Variants in SLC45A1 observed in about 807,000 individuals in gnomAD.
The protein encoded by SLC45A1 is proton-associated sugar transporter A.
Under a neutral mutation model 57.6 loss-of-function variants are expected in SLC45A1, and 28 were observed. The ratio of observed to expected loss-of-function variants is 0.49; its 90% confidence interval spans 0.36 to 0.67. SLC45A1 has a LOEUF of 0.67. Among genes scored for constraint, SLC45A1 ranks in the 30% least tolerant of loss-of-function variants. SLC45A1 has a pLI of 0.00. For synonymous variants in SLC45A1, 459 were observed against 471.5 expected, an observed-to-expected ratio of 0.97 and a Z score of 0.34; for missense variants, 814 against 1,041.5, an observed-to-expected ratio of 0.78 and a Z score of 3.01.
At chr1:8,320,047 T>C (rs1639952864) in intron 1 of SLC45A1, among the ~76,000 whole-genome samples, 1 of 152,214 alleles carries the variant, frequency 6.6e-6, no homozygotes, top group South Asian at 2.1e-4. Flanking sequence ...ATTCTTCTTA[T>C]GATAAACATT....
rs201202242 is a variant in SLC45A1 at position 8,344,021 on chromosome 1, G to C, written c.*8G>C. 6.2e-7 allele frequency: 1 copy of C among 1,600,844 alleles called. No homozygotes were observed. The highest frequency in any genetic ancestry group is 1.3e-5 in the African/African-American group (1 of 74,762). On this transcript the variant is annotated 3_prime_UTR_variant, in exon 9 of 9. Coordinates refer to ENST00000471889, the MANE Select transcript of SLC45A1 (RefSeq NM_001080397.3). The stretch of plus-strand genomic sequence containing the variant: ...CTCCTGCTGAACGTCTGACATCGCG[G>C]AGCCTCGACTCCGGACACGCGCCTG...
rs981423106 is a variant in SLC45A1, at chr1:8,327,653, T to C, written c.715+1611T>C. On this transcript the variant is annotated intron_variant, in intron 4 of 8. Transcript: ENST00000471889. The surrounding 1 kb of genome is among the most constrained non-coding windows in gnomAD (Gnocchi z 4.3). Reference sequence around the variant, plus strand: ...AGACCCCATCTCTAAAAACATAAGATTAAATAAATAAATAACTCTAGCTTG... The same window carrying C: ...AGACCCCATCTCTAAAAACATAAGACTAAATAAATAAATAACTCTAGCTTG... Among the ~76,000 whole-genome samples the C allele has an allele frequency of 2.0e-5, 3 of 152,018 alleles. No individual in the cohort carries two copies. Among genetic ancestry groups the C allele is most frequent in the Non-Finnish European group, 2.9e-5 (2 of 68,004 alleles).
In SLC45A1 at chr1:8,324,632, C is replaced by T. The variant is rs769137840; in HGVS notation, c.303C>T (p.Tyr101=). 1.1e-5 allele frequency: 18 copies of T among 1,609,948 alleles called. No individual in the cohort carries two copies. The highest frequency in any genetic ancestry group is 5.0e-5 in the Admixed American group (3 of 59,706). ...TTCTCTTTGGCATCGAGTTCAGCTACGCCATGGAGACGGCGTACGTGACCC... is the reference window on the plus strand; with the variant it reads ...TTCTCTTTGGCATCGAGTTCAGCTATGCCATGGAGACGGCGTACGTGACCC... ...GCILFGIEFS[Y]AMETAYVTPV... is the part of the protein sequence containing the mutation. The change falls in exon 2 of 9, where the codon TAC becomes TAT. Residue 101 remains tyrosine, a synonymous_variant. Transcript: ENST00000471889.
chr1:8,324,634 C>T lies in SLC45A1; in HGVS notation c.305C>T (p.Ala102Val). ...CILFGIEFSY[A>V]METAYVTPVL... ...CTCTTTGGCATCGAGTTCAGCTACG[C>T]CATGGAGACGGCGTACGTGACCCCG... is the stretch of plus-strand genomic sequence containing the variant. The change falls in exon 2 of 9, where the codon GCC becomes GTC. Residue 102 changes from alanine to valine, a missense_variant. By Grantham distance (64) the Ala-to-Val change is moderately conservative. Coordinates refer to ENST00000471889, the MANE Select transcript of SLC45A1 (RefSeq NM_001080397.3). 1 of 1,609,756 alleles carries T rather than the reference C, an allele frequency of 6.2e-7. No individual in the cohort carries two copies. Among genetic ancestry groups the T allele is most frequent in the Non-Finnish European group, 8.5e-7 (1 of 1,178,374 alleles).
intron 8 of SLC45A1, among the ~76,000 whole-genome samples, chr1:8,339,983 C>T (rs1640758928): frequency 1.3e-5 from 2 of 152,190 alleles, no homozygotes; most frequent in African/African-American, 4.8e-5. Flanking sequence ...CTTCCTACTC[C>T]ATTGTCAGGC....
At chr1:8,341,272 C>T (rs541601447) in intron 8 of SLC45A1, among the ~76,000 whole-genome samples, 3 of 151,198 alleles carry the variant, frequency 2.0e-5, no homozygotes, top group South Asian at 4.2e-4. Context: ...CGGTGGCTCA[C>T]GCCTGTAATC....
intron 7 of SLC45A1, among the ~76,000 whole-genome samples, chr1:8,339,252 G>A (rs927210343): frequency 6.6e-6 from 1 of 152,186 alleles, no homozygotes; most frequent in Non-Finnish European, 1.5e-5. Flanking sequence ...GTGTGAACAG[G>A]ACACCCTGGT....
At chr1:8,333,327 GGCTTTTACCAT>G (rs965077292) in intron 5 of SLC45A1, among the ~76,000 whole-genome samples, 3 of 151,444 alleles carry the variant, frequency 2.0e-5, no homozygotes, top group Non-Finnish European at 4.4e-5. Context: ...TGTAGAGACA[GGCTTTTACCAT>G]GCTGCCCAGG....
rs1431212266 is a variant in SLC45A1, at chr1:8,335,918, C to A, written c.1597+328C>A. Among the ~76,000 whole-genome samples, 1 of 152,194 alleles carries A rather than the reference C, an allele frequency of 6.6e-6. No individual in the cohort carries two copies. The highest frequency in any genetic ancestry group is 1.5e-5 in the Non-Finnish European group (1 of 68,036). ...GACAACTCCACAGTGAAATGATGGA[C>A]CCACACCTTCCCACCTTCCCACCTT... On this transcript the variant is annotated intron_variant, in intron 6 of 8. Coordinates refer to ENST00000471889, the MANE Select transcript of SLC45A1 (RefSeq NM_001080397.3). The surrounding 1 kb of genome is among the most constrained non-coding windows in gnomAD (Gnocchi z 4.1).
chr1:8,330,098 C>A lies in SLC45A1; in HGVS notation c.716-111C>A. The A allele has an allele frequency of 7.5e-7, 1 of 1,338,864 alleles. No homozygotes were observed. Among genetic ancestry groups the A allele is most frequent in the Non-Finnish European group, 1.0e-6 (1 of 968,982 alleles). The allele number at this position is 1,338,864 out of a possible 1,614,324, so 82.9% of individuals were successfully genotyped here. On this transcript the variant is annotated intron_variant, in intron 4 of 8. Transcript: ENST00000471889. This position sits in a 1 kb window ranked among gnomAD's most constrained non-coding sequence, Gnocchi z 8.4. ...GTTTAGGTGGAACAGGTTCTGTGCC[C>A]ACGTCCCTGGAATGGCCTTGGCTAC...
At position 8,339,711 on chromosome 1, in the gene SLC45A1, C is replaced by A. The variant is rs375027518; in HGVS notation, c.1980+13C>A. 48 of 1,611,434 alleles carry A rather than the reference C, an allele frequency of 3.0e-5. No individual in the cohort carries two copies. Among genetic ancestry groups the A allele is most frequent in the Middle Eastern group, 1.6e-4 (1 of 6,078 alleles). Reference sequence around the variant, plus strand: ...TCAGAGTAAGAAGGTAAGTGCTCTCCCTTGTCTTGCTTCGGGTCTGCTTCT... The same window carrying A: ...TCAGAGTAAGAAGGTAAGTGCTCTCACTTGTCTTGCTTCGGGTCTGCTTCT... On this transcript the variant is annotated intron_variant, in intron 8 of 8. Coordinates refer to ENST00000471889, the MANE Select transcript of SLC45A1 (RefSeq NM_001080397.3).
chr1:8,342,321 C>T (rs1019178816), intron 8 of SLC45A1, among the ~76,000 whole-genome samples: 3 of 152,210 alleles, frequency 2.0e-5, no homozygotes, highest in Non-Finnish European at 4.4e-5. Flanking sequence ...GTGTGATGTG[C>T]ACCGTTCGGC....
At position 8,343,936 on chromosome 1, in the gene SLC45A1, T is replaced by G; in HGVS notation, c.2170T>G (p.Ser724Ala). ...GTCCTTCCTGGGCTGCCTGTACTCCTCCCTGTTTGTCATTTATGAAATTCC... is the reference window on the plus strand; with the variant it reads ...GTCCTTCCTGGGCTGCCTGTACTCCGCCCTGTTTGTCATTTATGAAATTCC... Reference protein sequence around the residue: ...LVSFLGCLYSSLFVIYEIPPS... With the variant: ...LVSFLGCLYSALFVIYEIPPS... The change falls in exon 9 of 9, where the codon TCC (serine) becomes GCC (alanine). Residue 724 changes from serine to alanine, a missense_variant. Coordinates refer to ENST00000471889, the MANE Select transcript of SLC45A1 (RefSeq NM_001080397.3). This position sits in a 1 kb window ranked among gnomAD's most constrained non-coding sequence, Gnocchi z 7.7. 6.2e-7 allele frequency: 1 copy of G among 1,614,054 alleles called. No homozygotes were observed. Among genetic ancestry groups the G allele is most frequent in the Non-Finnish European group, 8.5e-7 (1 of 1,179,986 alleles).
Position 8,326,641 on chromosome 1 carries a change from A to G in SLC45A1, c.715+599A>G, listed in dbSNP as rs1435387729. On this transcript the variant is annotated intron_variant, in intron 4 of 8. Coordinates refer to ENST00000471889, the MANE Select transcript of SLC45A1 (RefSeq NM_001080397.3). The surrounding 1 kb of genome is among the most constrained non-coding windows in gnomAD (Gnocchi z 5.5). ...TTAAACAGTGAAACACCAACAAAAA[A>G]CACAAAAATGTAAAAAAGGTGGCAC... Among the ~76,000 whole-genome samples, 1 of 152,188 alleles carries G rather than the reference A, an allele frequency of 6.6e-6. No individual in the cohort carries two copies. Among genetic ancestry groups the G allele is most frequent in the Non-Finnish European group, 1.5e-5 (1 of 68,040 alleles).
Position 8,328,124 on chromosome 1 carries a change from G to C in SLC45A1, c.715+2082G>C, listed in dbSNP as rs1640257727. On this transcript the variant is annotated intron_variant, in intron 4 of 8. Transcript: ENST00000471889. This position sits in a 1 kb window ranked among gnomAD's most constrained non-coding sequence, Gnocchi z 4.6. ...GATTGCCCACAGTCAGTTACAGATG[G>C]AACTCCTTCCTCTACTCTTTCCCCA... 1 of 152,186 alleles carries C rather than the reference G, an allele frequency of 6.6e-6. No homozygotes were observed. Among genetic ancestry groups the C allele is most frequent in the Admixed American group, 6.5e-5 (1 of 15,284 alleles). The allele number at this position is 152,186 out of a possible 1,614,324, so 9.4% of individuals were successfully genotyped here.
Position 8,319,448 on chromosome 1 carries a change from C to T in SLC45A1, c.-25+1262C>T, listed in dbSNP as rs1288737656. On this transcript the variant is annotated intron_variant, in intron 1 of 8. Coordinates refer to ENST00000471889, the MANE Select transcript of SLC45A1 (RefSeq NM_001080397.3). ...ATTGACATTGATTACTTTTATTAAT[C>T]ATTTGCCGCTTAAACTTCCCACAAC... 2.0e-5 allele frequency among the ~76,000 whole-genome samples: 3 copies of T among 152,202 alleles called. No individual in the cohort carries two copies. The East Asian group carries it at 5.8e-4, about 29-fold the overall frequency.
In SLC45A1 at chr1:8,328,873, C is replaced by T. The variant is rs1466634190; in HGVS notation, c.716-1336C>T. On this transcript the variant is annotated intron_variant, in intron 4 of 8. Transcript: ENST00000471889. This position sits in a 1 kb window ranked among gnomAD's most constrained non-coding sequence, Gnocchi z 4.6. ...ATAATAAATAAAAAATAAAGTTCTTCTGAAATCTGACCTTGGATAAGGGTC... is the reference window on the plus strand; with the variant it reads ...ATAATAAATAAAAAATAAAGTTCTTTTGAAATCTGACCTTGGATAAGGGTC... Among the ~76,000 whole-genome samples the T allele has an allele frequency of 6.6e-6, 1 of 152,134 alleles. No individual in the cohort carries two copies. The highest frequency in any genetic ancestry group is 2.4e-5 in the African/African-American group (1 of 41,420).
rs1228669685 is a variant in SLC45A1 at position 8,344,052 on chromosome 1, G to A, written c.*39G>A. The A allele has an allele frequency of 6.4e-7, 1 of 1,571,804 alleles. No individual in the cohort carries two copies. The highest frequency in any genetic ancestry group is 8.6e-7 in the Non-Finnish European group (1 of 1,156,946). ...CGACTCCGGACACGCGCCTGCACCT[G>A]GGGGTCTGGAGCAGGCCGACCAGTG... is the stretch of plus-strand genomic sequence containing the variant. On this transcript the variant is annotated 3_prime_UTR_variant, in exon 9 of 9. Transcript: ENST00000471889.
chr1:8,340,108 T>A lies in SLC45A1; in HGVS notation c.1980+410T>A, dbSNP rs531143977. The stretch of plus-strand genomic sequence containing the variant: ...CGATAACATGTTAATGCAGTATTTT[T>A]AAAAATCAGAATTCTTGCCAAAAAT... On this transcript the variant is annotated intron_variant, in intron 8 of 8. Coordinates refer to ENST00000471889, the MANE Select transcript of SLC45A1 (RefSeq NM_001080397.3). Among the ~76,000 whole-genome samples the A allele has an allele frequency of 4.6e-5, 7 of 152,000 alleles. No homozygotes were observed. In the South Asian group the frequency reaches 1.2e-3, roughly 27 times the overall value.
Sources: gnomAD v4.1 joint callset for allele counts (sites outside exome capture counted in the v4.1 genomes callset) on GRCh38, gnomAD v4.1.1 for gene constraint, Gnocchi (gnomAD v3.1) non-coding constraint, MANE v1.5 for transcripts, NCBI Gene and HGNC (gene_info 2026-07-23, HGNC 2026-07-21) for gene names.